The following PRR16 variants were observed in gnomAD, a reference collection of about 807,000 sequenced individuals.
PRR16 encodes proline rich 16.
A neutral mutation model predicts 18.2 loss-of-function variants in PRR16; 6 were observed. That is an observed-to-expected ratio of 0.33 (90% confidence interval 0.18 to 0.65). PRR16 has a LOEUF of 0.65. PRR16 is among the 30% of genes least tolerant of loss of function. PRR16 has a pLI of 0.74. For missense variants in PRR16, 412 were observed against 376.6 expected (o/e 1.09, Z -0.78); for synonymous variants, 151 against 147.8 (o/e 1.02, Z -0.16).
chr5:120,582,009 T>A (rs2112756624), intron 1 of PRR16, among the ~76,000 whole-genome samples: 1 of 152,332 alleles, frequency 6.6e-6, no homozygotes, highest in African/African-American at 2.4e-5. Flanking sequence ...TGCAATGGTA[T>A]GTTTATCGCA....
At chr5:120,486,615 T>C (rs909340102) in intron 1 of PRR16, among the ~76,000 whole-genome samples, 4 of 152,202 alleles carry the variant, frequency 2.6e-5, no homozygotes, top group African/African-American at 9.7e-5. Flanking sequence ...ACTCTGATGG[T>C]AGTTTCTTTT....
chr5:120,488,207 A>G (rs1561511863), intron 1 of PRR16, among the ~76,000 whole-genome samples: 1 of 152,194 alleles, frequency 6.6e-6, no homozygotes, highest in Non-Finnish European at 1.5e-5. Context: ...TGATTGGAAT[A>G]GTTTCAGAAG....
At chr5:120,670,171 G>GTTAT (rs1756549428) in intron 1 of PRR16, among the ~76,000 whole-genome samples, 2 of 151,996 alleles carry the variant, frequency 1.3e-5, no homozygotes, top group South Asian at 2.1e-4. Context: ...ATTTTTAGAA[G>GTTAT]TTAGAAAAAA....
At chr5:120,702,236 CAG>C in the PRR16 span, among the ~76,000 whole-genome samples, 1 of 135,812 alleles carries the variant, frequency 7.4e-6, no homozygotes, top group Non-Finnish European at 1.6e-5. Context: ...GGTCGGGACA[CAG>C]AAATAAGGGG....
chr5:120,595,362 T>C (rs1753765858), intron 1 of PRR16, among the ~76,000 whole-genome samples: 1 of 151,710 alleles, frequency 6.6e-6, no homozygotes, highest in African/African-American at 2.4e-5. Flanking sequence ...TTACTAATCA[T>C]TAGAGAAAAG....
intron 1 of PRR16, among the ~76,000 whole-genome samples, chr5:120,523,558 A>G (rs6864428): frequency 0.024 from 3,621 of 152,252 alleles, 70 homozygotes; most frequent in African/African-American, 0.052. Flanking sequence ...AGTTGCAGTG[A>G]CATTCACTGA....
chr5:120,764,135 T>C, the PRR16 span, among the ~76,000 whole-genome samples: 2 of 150,940 alleles, frequency 1.3e-5, no homozygotes. Flanking sequence ...TTTGTCTTGT[T>C]TTAGTTCTTA....
chr5:120,489,910 A>C (rs1303083628), intron 1 of PRR16, among the ~76,000 whole-genome samples: 1 of 152,148 alleles, frequency 6.6e-6, no homozygotes, highest in Non-Finnish European at 1.5e-5. Flanking sequence ...TTCATTTATG[A>C]AACTTAGTTT....
At chr5:120,498,361 A>G (rs866718002) in intron 1 of PRR16, among the ~76,000 whole-genome samples, 1 of 146,296 alleles carries the variant, frequency 6.8e-6, no homozygotes, top group African/African-American at 2.5e-5. Context: ...CTATAAATGT[A>G]TATATATATA....
At chr5:120,731,908 A>G in the PRR16 span, among the ~76,000 whole-genome samples, 324 of 152,278 alleles carry the variant, frequency 2.1e-3, 3 homozygotes, top group African/African-American at 7.6e-3. Context: ...AACTATGTAG[A>G]AGATTCCCTG....
At chr5:120,779,935 G>C in the PRR16 span, among the ~76,000 whole-genome samples, 1 of 152,074 alleles carries the variant, frequency 6.6e-6, no homozygotes, top group South Asian at 2.1e-4. Context: ...CCTGTGGAGT[G>C]ATCTACAAAA....
chr5:120,512,886 T>G (rs1327799306), intron 1 of PRR16, among the ~76,000 whole-genome samples: 1 of 152,156 alleles, frequency 6.6e-6, no homozygotes, highest in Non-Finnish European at 1.5e-5. Flanking sequence ...TGGTCAGGAC[T>G]CACATACTAT....
chr5:120,645,592 T>C (rs1011308449), intron 1 of PRR16, among the ~76,000 whole-genome samples: 6 of 152,104 alleles, frequency 3.9e-5, no homozygotes, highest in African/African-American at 1.2e-4. Context: ...ATAAGTATGA[T>C]ATTTGCTGCA....
intron 1 of PRR16, among the ~76,000 whole-genome samples, chr5:120,550,798 C>A (rs1189530850): frequency 1.3e-5 from 2 of 151,968 alleles, no homozygotes; most frequent in Non-Finnish European, 2.9e-5. Flanking sequence ...ATTCAGTGTG[C>A]CTAAAGCAGG....
chr5:120,485,114 C>T (rs2691100), intron 1 of PRR16, among the ~76,000 whole-genome samples: 107,197 of 151,800 alleles, frequency 0.71, 38,872 homozygotes, highest in East Asian at 0.94. Flanking sequence ...CAATTTTGTT[C>T]GCATTTTAAA....
intron 1 of PRR16, among the ~76,000 whole-genome samples, chr5:120,677,549 T>C (rs1446891712): frequency 1.3e-5 from 2 of 152,198 alleles, no homozygotes; most frequent in African/African-American, 2.4e-5. Flanking sequence ...TGCCACCATA[T>C]TTAAATTGTG....
At chr5:120,570,587 G>A (rs1451955184) in intron 1 of PRR16, among the ~76,000 whole-genome samples, 2 of 152,096 alleles carry the variant, frequency 1.3e-5, no homozygotes, top group African/African-American at 4.8e-5. Context: ...TAATACAGTA[G>A]AAGACATATA....
chr5:120,737,988 G>A, the PRR16 span, among the ~76,000 whole-genome samples: 1 of 152,034 alleles, frequency 6.6e-6, no homozygotes, highest in African/African-American at 2.4e-5. Context: ...AAAAGAAAGA[G>A]AAGACAAATT....
At chr5:120,704,600 A>G in the PRR16 span, among the ~76,000 whole-genome samples, 1 of 152,180 alleles carries the variant, frequency 6.6e-6, no homozygotes, top group Non-Finnish European at 1.5e-5. Context: ...TTATATACCA[A>G]TATGAATCAT....
Sources: gnomAD v4.1 joint callset for allele counts (sites outside exome capture counted in the v4.1 genomes callset) on GRCh38, gnomAD v4.1.1 for gene constraint, MANE v1.5 for transcripts, NCBI Gene and HGNC (gene_info 2026-07-23, HGNC 2026-07-21) for gene names.